The following GABRG3 variants were observed in gnomAD, a reference collection of about 807,000 sequenced individuals.
The protein encoded by GABRG3 is gamma-aminobutyric acid receptor subunit gamma-3.
GABRG3 carries 25 observed loss-of-function variants against 48.8 expected under a neutral mutation model. The observed-to-expected ratio is 0.51, with a 90% CI of 0.37 to 0.72. GABRG3 has a LOEUF of 0.72. Among genes scored for constraint, GABRG3 ranks in the 30% least tolerant of loss-of-function variants. The pLI, the probability that GABRG3 is intolerant of heterozygous loss-of-function variation, is 0.00. For missense variants in GABRG3, 394 were observed against 577.9 expected (o/e 0.68, Z 3.26); for synonymous variants, 227 against 217.6 (o/e 1.04, Z -0.38).
rs1891509783 is a variant in GABRG3, at chr15:27,534,690, A to G, written c.*1809A>G. The G allele has an allele frequency of 6.6e-6, 1 of 152,232 alleles. No homozygotes were observed. The highest frequency in any genetic ancestry group is 1.5e-5 in the Non-Finnish European group (1 of 68,040). The allele number at this position is 152,232 out of a possible 1,614,324, so 9.4% of individuals were successfully genotyped here. A position where few individuals can be genotyped will look rare whatever the true frequency, so the allele number is the denominator to read the frequency against. On this transcript the variant is annotated 3_prime_UTR_variant, in exon 10 of 10. Transcript: ENST00000615808. The stretch of plus-strand genomic sequence containing the variant: ...ACACAATGTCCTGGATGTATACCAG[A>G]CACAGAAGAGGATGGGAGCAGAAGA...
In GABRG3 at chr15:27,045,415, A is replaced by G. The variant is rs533464533; in HGVS notation, c.270+18594A>G. 5.9e-5 allele frequency among the ~76,000 whole-genome samples: 9 copies of G among 152,358 alleles called. No individual in the cohort carries two copies. The East Asian group carries it at 1.7e-3, about 29-fold the overall frequency. On this transcript the variant is annotated intron_variant, in intron 3 of 9. Coordinates refer to ENST00000615808, the MANE Select transcript of GABRG3 (RefSeq NM_033223.5). ...GAAGGTCAGTTCCTTATGCTCTGTC[A>G]TTATTAGTTTGCACACAACCGAATA...
chr15:27,308,904 CAG>C (rs1361424514), intron 3 of GABRG3, among the ~76,000 whole-genome samples: 11 of 149,670 alleles, frequency 7.3e-5, no homozygotes, highest in Admixed American at 1.3e-4. Flanking sequence ...TATATGAAAA[CAG>C]AATGTAAACA....
intron 2 of GABRG3, among the ~76,000 whole-genome samples, chr15:26,984,041 G>T (rs542168062): frequency 1.3e-4 from 19 of 151,858 alleles, no homozygotes; most frequent in Non-Finnish European, 2.5e-4. Flanking sequence ...CCCTCATTTC[G>T]TGTCCCTTCC....
At chr15:26,993,988 C>A (rs1011849727) in intron 2 of GABRG3, among the ~76,000 whole-genome samples, 2 of 151,822 alleles carry the variant, frequency 1.3e-5, no homozygotes, top group African/African-American at 2.4e-5. Flanking sequence ...TAGTTTTTGT[C>A]TTGAAATCTG....
At chr15:27,190,615 C>T (rs541746143) in intron 3 of GABRG3, among the ~76,000 whole-genome samples, 13 of 152,236 alleles carry the variant, frequency 8.5e-5, no homozygotes, top group Admixed American at 3.3e-4. Context: ...ATTCTTCTCT[C>T]TTTTTTTCTT....
chr15:27,269,555 T>A (rs1891018599), intron 3 of GABRG3, among the ~76,000 whole-genome samples: 1 of 152,148 alleles, frequency 6.6e-6, no homozygotes, highest in South Asian at 2.1e-4. Flanking sequence ...TTTCTACATA[T>A]CTCCCTCCCA....
chr15:27,295,851 G>A (rs1459996451), intron 3 of GABRG3, among the ~76,000 whole-genome samples: 1 of 152,162 alleles, frequency 6.6e-6, no homozygotes, highest in African/African-American at 2.4e-5. Context: ...TGTGATCTAG[G>A]CCACTTCAAA....
chr15:27,194,103 A>G (rs1888420990), intron 3 of GABRG3, among the ~76,000 whole-genome samples: 6 of 152,244 alleles, frequency 3.9e-5, no homozygotes. Context: ...TACTGTAAGA[A>G]TAAATACATA....
chr15:27,376,759 G>A (rs1472203170), intron 5 of GABRG3, among the ~76,000 whole-genome samples: 1 of 152,140 alleles, frequency 6.6e-6, no homozygotes, highest in African/African-American at 2.4e-5. Flanking sequence ...ACACCTCCAA[G>A]CCTATCATGG....
At chr15:27,048,998 G>A (rs773517524) in intron 3 of GABRG3, among the ~76,000 whole-genome samples, 6 of 152,336 alleles carry the variant, frequency 3.9e-5, no homozygotes, top group Admixed American at 6.5e-5. Flanking sequence ...TGTGAGCCTC[G>A]GACGCACAGC....
chr15:27,249,901 G>A (rs79153116), intron 3 of GABRG3, among the ~76,000 whole-genome samples: 1,727 of 152,250 alleles, frequency 0.011, 36 homozygotes, highest in African/African-American at 0.04. Flanking sequence ...ATGTGTGGAG[G>A]TGGAGTGGGT....
chr15:27,192,433 C>T (rs1888347925), intron 3 of GABRG3, among the ~76,000 whole-genome samples: 1 of 152,068 alleles, frequency 6.6e-6, no homozygotes, highest in Admixed American at 6.6e-5. Context: ...TCTTTTTATT[C>T]TTTTTTCTCT....
intron 3 of GABRG3, among the ~76,000 whole-genome samples, chr15:27,067,554 C>T (rs184803706): frequency 6.6e-6 from 1 of 152,344 alleles, no homozygotes; most frequent in African/African-American, 2.4e-5. Context: ...ATCCTTGGTG[C>T]TCCAGAGTGC....
chr15:27,292,984 A>T (rs780616218), intron 3 of GABRG3, among the ~76,000 whole-genome samples: 1 of 152,218 alleles, frequency 6.6e-6, no homozygotes, highest in Non-Finnish European at 1.5e-5. Context: ...AGAAAGCCCT[A>T]ATCCTGAACT....
At chr15:27,278,301 C>T (rs770377537) in intron 3 of GABRG3, among the ~76,000 whole-genome samples, 19 of 152,106 alleles carry the variant, frequency 1.2e-4, no homozygotes, top group Non-Finnish European at 2.2e-4. Context: ...CCGCCCGCCT[C>T]GGCCTCCCCA....
intron 2 of GABRG3, among the ~76,000 whole-genome samples, chr15:26,990,954 G>A (rs557201057): frequency 6.7e-4 from 102 of 151,922 alleles, no homozygotes; most frequent in African/African-American, 2.0e-3. Flanking sequence ...ACAGGCATGC[G>A]CCACCAGACC....
intron 3 of GABRG3, among the ~76,000 whole-genome samples, chr15:27,218,145 G>A (rs1449985647): frequency 2.0e-5 from 3 of 151,974 alleles, no homozygotes; most frequent in South Asian, 2.1e-4. Context: ...AAGCAGCTGG[G>A]ACTACCTACA....
chr15:27,060,113 G>A (rs187354916), intron 3 of GABRG3, among the ~76,000 whole-genome samples: 15 of 152,358 alleles, frequency 9.8e-5, no homozygotes, highest in Admixed American at 9.8e-4. Context: ...GTGACAGTAA[G>A]GGGAGTTTAA....
intron 5 of GABRG3, among the ~76,000 whole-genome samples, chr15:27,413,796 C>T (rs1055330238): frequency 7.2e-5 from 11 of 152,042 alleles, no homozygotes; most frequent in African/African-American, 2.7e-4. Context: ...TTTCATCTTT[C>T]GAACAACTAT....
Sources: allele counts gnomAD v4.1 joint callset (sites outside exome capture counted in the v4.1 genomes callset), GRCh38; gene constraint gnomAD v4.1.1; transcripts MANE v1.5; gene names NCBI Gene and HGNC (gene_info 2026-07-23, HGNC 2026-07-21).